Variants in KANK1 observed in about 807,000 individuals in gnomAD.
KANK1 encodes the protein KN motif and ankyrin repeat domains 1.
A neutral mutation model predicts 106.2 loss-of-function variants in KANK1; 109 were observed. That is an observed-to-expected ratio of 1.03 (90% confidence interval 0.88 to 1.20). The LOEUF is 1.20. KANK1 is among the 50% of genes most tolerant of loss of function. The pLI is 0.00. For synonymous variants in KANK1, 873 were observed against 652.2 expected (o/e 1.34, Z -5.16); for missense variants, 2,399 against 1,710.7 (o/e 1.40, Z -7.10).
At chr9:552,151 C>T (rs535520370) in intron 1 of KANK1, among the ~76,000 whole-genome samples, 12 of 152,208 alleles carry the variant, frequency 7.9e-5, no homozygotes, top group African/African-American at 2.9e-4. Flanking sequence ...AAGGACTGAT[C>T]GAATTGTCTG....
chr9:592,728 G>T (rs1825276216), intron 1 of KANK1, among the ~76,000 whole-genome samples: 1 of 151,896 alleles, frequency 6.6e-6, no homozygotes, highest in South Asian at 2.1e-4. Context: ...CTTGAGATAG[G>T]AATTAAAATT....
chr9:488,501 C>T (rs910777782), intron 3 of KANK1, among the ~76,000 whole-genome samples: 2 of 152,210 alleles, frequency 1.3e-5, no homozygotes, highest in African/African-American at 4.8e-5. Context: ...TGGATTTGAA[C>T]CTTGTTTCTG....
chr9:489,203 T>C (rs1014466498), intron 3 of KANK1: 4 of 152,334 alleles, frequency 2.6e-5, no homozygotes, highest in East Asian at 1.9e-4. Context: ...TCAAAATTCA[T>C]AGGCCTGGTT....
intron 1 of KANK1, among the ~76,000 whole-genome samples, chr9:586,502 C>T (rs1198671249): frequency 6.6e-6 from 1 of 152,082 alleles, no homozygotes; most frequent in Non-Finnish European, 1.5e-5. Flanking sequence ...GTGGTGGTGA[C>T]TGTTAGTGGA....
chr9:644,085 G>A (rs1839126792), intron 1 of KANK1, among the ~76,000 whole-genome samples: 1 of 150,978 alleles, frequency 6.6e-6, no homozygotes, highest in African/African-American at 2.5e-5. Flanking sequence ...TCTTACCAAT[G>A]CAGTGATTAC....
At chr9:533,293 G>A (rs1054499653) in intron 1 of KANK1, among the ~76,000 whole-genome samples, 1 of 152,204 alleles carries the variant, frequency 6.6e-6, no homozygotes, top group African/African-American at 2.4e-5. Context: ...TAGGTTAAGA[G>A]CATTAGTGTG....
At chr9:651,675 A>G (rs986252215) in intron 1 of KANK1, among the ~76,000 whole-genome samples, 30 of 152,338 alleles carry the variant, frequency 2.0e-4, no homozygotes, top group Middle Eastern at 3.4e-3. Flanking sequence ...TATTTTGATT[A>G]ATTGTTTTAC....
upstream of KANK1, among the ~76,000 whole-genome samples, chr9:500,897 A>C (rs887535410): frequency 6.6e-6 from 1 of 152,218 alleles, no homozygotes; most frequent in Admixed American, 6.5e-5. Flanking sequence ...TATTATTGGA[A>C]ATGGAAAGAT....
At chr9:472,737 T>C (rs1239210990) in intron 2 of KANK1, among the ~76,000 whole-genome samples, 13 of 152,220 alleles carry the variant, frequency 8.5e-5, no homozygotes, top group Admixed American at 8.5e-4. Context: ...TTTCCTTGTT[T>C]TAAAATTATT....
chr9:659,472 T>C (rs1842836463), intron 1 of KANK1, among the ~76,000 whole-genome samples: 2 of 152,152 alleles, frequency 1.3e-5, no homozygotes, highest in Non-Finnish European at 2.9e-5. Context: ...CAGAAAATAA[T>C]GCTGATGCTG....
At chr9:648,817 A>C (rs1282554357) in intron 1 of KANK1, among the ~76,000 whole-genome samples, 1 of 152,196 alleles carries the variant, frequency 6.6e-6, no homozygotes, top group Non-Finnish European at 1.5e-5. Context: ...GTCAGTTGTC[A>C]TGTTTGGTTT....
intron 1 of KANK1, 102 bp downstream of exon 1, chr9:504,856 G>A (rs992694921): frequency 1.2e-4 from 17 of 140,686 alleles, no homozygotes; most frequent in African/African-American, 4.3e-4. Context: ...GCGCGGAGCC[G>A]ACTTGGCGCG....
intron 1 of KANK1, among the ~76,000 whole-genome samples, chr9:536,997 C>A (rs1425804650): frequency 1.3e-5 from 2 of 152,172 alleles, no homozygotes; most frequent in Admixed American, 6.5e-5. Context: ...CATTGGAAGA[C>A]TGGAAGCTAC....
chr9:534,060 GA>G (rs767427725), intron 1 of KANK1, among the ~76,000 whole-genome samples: 5 of 152,176 alleles, frequency 3.3e-5, no homozygotes, highest in African/African-American at 4.8e-5. Context: ...CAGATTGGGA[GA>G]AAGGGGGGGG....
chr9:650,572 G>A (rs746370558), intron 1 of KANK1, among the ~76,000 whole-genome samples: 27 of 152,180 alleles, frequency 1.8e-4, no homozygotes, highest in Non-Finnish European at 4.0e-4. Context: ...GTCAGGAAGT[G>A]TGTGCTTCAG....
At chr9:538,196 T>G (rs910745228) in intron 1 of KANK1, among the ~76,000 whole-genome samples, 1 of 151,760 alleles carries the variant, frequency 6.6e-6, no homozygotes, top group Non-Finnish European at 1.5e-5. Flanking sequence ...AAAAAGTTAA[T>G]AATAGTGCCC....
intron 1 of KANK1, among the ~76,000 whole-genome samples, chr9:545,516 A>G (rs1275769124): frequency 1.3e-5 from 2 of 152,090 alleles, no homozygotes; most frequent in Admixed American, 6.6e-5. Context: ...CTGAAGAGCA[A>G]CCTGCAAAGG....
intron 3 of KANK1, among the ~76,000 whole-genome samples, chr9:727,842 A>G (rs1275890995): frequency 6.6e-6 from 1 of 152,170 alleles, no homozygotes; most frequent in Non-Finnish European, 1.5e-5. Flanking sequence ...AAATTCTACA[A>G]TATATCTGTA....
At chr9:535,464 GTAC>G (rs1315250511) in intron 1 of KANK1, among the ~76,000 whole-genome samples, 1 of 152,192 alleles carries the variant, frequency 6.6e-6, no homozygotes, top group African/African-American at 2.4e-5. Flanking sequence ...ACTGGGCACT[GTAC>G]TGTGAGTTTT....
Sources: gnomAD v4.1 joint callset for allele counts (sites outside exome capture counted in the v4.1 genomes callset) on GRCh38, gnomAD v4.1.1 for gene constraint, MANE v1.5 for transcripts, NCBI Gene and HGNC (gene_info 2026-07-23, HGNC 2026-07-21) for gene names.